Variants in GALNT17 observed in about 807,000 individuals in gnomAD.
GALNT17 encodes the protein UDP-GalNAc:polypeptide N-acetylgalactosaminyltransferase-like 3.
GALNT17 carries 29 observed loss-of-function variants against 63.7 expected under a neutral mutation model. The observed-to-expected ratio is 0.46, with a 90% CI of 0.34 to 0.62. GALNT17 has a LOEUF of 0.62. Ranked by LOEUF, GALNT17 falls within the 20% of genes least tolerant of loss-of-function variation. GALNT17 has a pLI of 0.01. For missense variants in GALNT17, 603 were observed against 799.6 expected (o/e 0.75, Z 2.97); for synonymous variants, 305 against 318.3 (o/e 0.96, Z 0.45).
chr7:71,354,201 C>G (rs991632288), intron 2 of GALNT17, among the ~76,000 whole-genome samples: 1 of 152,120 alleles, frequency 6.6e-6, no homozygotes, highest in African/African-American at 2.4e-5. Flanking sequence ...GACACAGACC[C>G]GTACTATATC....
rs191055496 is a variant in GALNT17 at position 71,420,389 on chromosome 7, A to T, written c.765-519A>T. 7.3e-3 allele frequency among the ~76,000 whole-genome samples: 1,105 copies of T among 151,692 alleles called. 11 individuals are homozygous for T. Among genetic ancestry groups the T allele is most frequent in the African/African-American group, 0.022 (892 of 41,346 alleles). ...ATCAATTAAAACAACTGAAATAATC[A>T]CACACACACACACAGAGAAGCTAGT... On this transcript the variant is annotated intron_variant, in intron 4 of 10. Transcript: ENST00000333538.
At chr7:71,303,540 A>T (rs1222890631) in intron 1 of GALNT17, among the ~76,000 whole-genome samples, 1 of 152,198 alleles carries the variant, frequency 6.6e-6, no homozygotes, top group Non-Finnish European at 1.5e-5. Flanking sequence ...ACACTTGAAG[A>T]TGAAAAATTC....
At chr7:71,662,626 A>T (rs980942348) in intron 6 of GALNT17, among the ~76,000 whole-genome samples, 1 of 152,202 alleles carries the variant, frequency 6.6e-6, no homozygotes, top group African/African-American at 2.4e-5. Flanking sequence ...GGAATCATAG[A>T]ATATGTAGTC....
intron 5 of GALNT17, among the ~76,000 whole-genome samples, chr7:71,541,345 G>T (rs539901126): frequency 6.6e-6 from 1 of 152,054 alleles, no homozygotes; most frequent in African/African-American, 2.4e-5. Context: ...CTGAGGTCAG[G>T]GGTTCAAGAT....
chr7:71,564,989 G>A (rs1240047199), intron 5 of GALNT17, among the ~76,000 whole-genome samples: 4 of 152,152 alleles, frequency 2.6e-5, no homozygotes, highest in Non-Finnish European at 5.9e-5. Flanking sequence ...AGGCTGGGCC[G>A]GGCACGGTGG....
intron 6 of GALNT17, among the ~76,000 whole-genome samples, chr7:71,613,325 G>T (rs1322762261): frequency 6.6e-6 from 1 of 152,136 alleles, no homozygotes; most frequent in African/African-American, 2.4e-5. Flanking sequence ...ATTTTCTGTT[G>T]GTCTCTTTTT....
intron 6 of GALNT17, among the ~76,000 whole-genome samples, chr7:71,655,748 G>A (rs1397656352): frequency 6.6e-6 from 1 of 152,102 alleles, no homozygotes; most frequent in Non-Finnish European, 1.5e-5. Flanking sequence ...GGCTAGGCTG[G>A]GCTGGCTGAT....
At chr7:71,390,096 G>A (rs1186299424) in intron 3 of GALNT17, among the ~76,000 whole-genome samples, 1 of 152,202 alleles carries the variant, frequency 6.6e-6, no homozygotes, top group African/African-American at 2.4e-5. Flanking sequence ...GCCAGCTAGA[G>A]TGAGTGCCTG....
intron 2 of GALNT17, among the ~76,000 whole-genome samples, chr7:71,387,673 G>T (rs1473953097): frequency 6.6e-6 from 1 of 152,118 alleles, no homozygotes; most frequent in Non-Finnish European, 1.5e-5. Context: ...TAATCGCTTA[G>T]GCATCAGCAA....
intron 1 of GALNT17, among the ~76,000 whole-genome samples, chr7:71,188,601 G>C (rs571388451): frequency 9.7e-4 from 147 of 152,168 alleles, no homozygotes; most frequent in Non-Finnish European, 1.7e-3. Flanking sequence ...TTGATAATTT[G>C]TTTGAGTTCA....
chr7:71,427,525 T>A (rs1300019976), intron 5 of GALNT17, among the ~76,000 whole-genome samples: 2 of 152,074 alleles, frequency 1.3e-5, no homozygotes, highest in Admixed American at 1.3e-4. Flanking sequence ...TTTGACCCCA[T>A]GCAGGCAGTG....
At chr7:71,550,010 T>C (rs1789049820) in intron 5 of GALNT17, among the ~76,000 whole-genome samples, 1 of 151,578 alleles carries the variant, frequency 6.6e-6, no homozygotes, top group Non-Finnish European at 1.5e-5. Context: ...GACAGAATAA[T>C]TAGAATGTAC....
intron 1 of GALNT17, among the ~76,000 whole-genome samples, chr7:71,285,824 CCACCCAGT>C (rs2115782758): frequency 6.6e-6 from 1 of 152,266 alleles, no homozygotes; most frequent in East Asian, 1.9e-4. Context: ...GTGGTTTAAG[CCACCCAGT>C]CTATGGTATT....
chr7:71,405,798 C>T (rs1793317908), intron 3 of GALNT17, among the ~76,000 whole-genome samples: 2 of 152,100 alleles, frequency 1.3e-5, no homozygotes, highest in South Asian at 2.1e-4. Context: ...CTAATCAGCT[C>T]CCAAACACTT....
At chr7:71,365,487 G>A (rs1474781204) in intron 2 of GALNT17, among the ~76,000 whole-genome samples, 3 of 152,142 alleles carry the variant, frequency 2.0e-5, no homozygotes, top group Admixed American at 6.5e-5. Flanking sequence ...TGATCCACCC[G>A]CCTCGGCTTC....
At chr7:71,567,205 G>A (rs7783801) in intron 5 of GALNT17, among the ~76,000 whole-genome samples, 1 of 152,062 alleles carries the variant, frequency 6.6e-6, no homozygotes, top group Non-Finnish European at 1.5e-5. Flanking sequence ...TCTAAAAGGC[G>A]CCAAGAGCTG....
At chr7:71,624,821 G>A (rs1177779497) in intron 6 of GALNT17, among the ~76,000 whole-genome samples, 2 of 152,120 alleles carry the variant, frequency 1.3e-5, no homozygotes, top group African/African-American at 2.4e-5. Flanking sequence ...AAGGAGGACG[G>A]CATTGTTTTA....
chr7:71,582,211 G>T (rs1789645534), intron 6 of GALNT17, among the ~76,000 whole-genome samples: 1 of 152,120 alleles, frequency 6.6e-6, no homozygotes. Flanking sequence ...ACACATGTTT[G>T]TAGCAGCACA....
chr7:71,263,608 A>C (rs1485214446), intron 1 of GALNT17, among the ~76,000 whole-genome samples: 1 of 152,032 alleles, frequency 6.6e-6, no homozygotes, highest in African/African-American at 2.4e-5. Flanking sequence ...GGGCTTGCAA[A>C]CACCTGGAGG....
Sources: gnomAD v4.1 joint callset for allele counts (sites outside exome capture counted in the v4.1 genomes callset) on GRCh38, gnomAD v4.1.1 for gene constraint, MANE v1.5 for transcripts, NCBI Gene and HGNC (gene_info 2026-07-23, HGNC 2026-07-21) for gene names.